The following IL1RAPL1 variants were observed in gnomAD, a reference collection of about 807,000 sequenced individuals.
IL1RAPL1 encodes the protein interleukin 1 receptor accessory protein like 1.
A neutral mutation model predicts 48.4 loss-of-function variants in IL1RAPL1; 3 were observed. That is an observed-to-expected ratio of 0.06 (90% CI 0.03 to 0.16). The LOEUF (loss-of-function observed/expected upper bound fraction) is 0.16, where lower values mean the gene tolerates loss of function less well. IL1RAPL1 is among the 10% of genes least tolerant of loss of function. The probability of loss-of-function intolerance (pLI) is 1.00; values close to 1 mark genes in which losing one functional copy is unlikely to be tolerated. For synonymous variants in IL1RAPL1, 185 were observed against 187.7 expected, an observed-to-expected ratio of 0.99 and a Z score of 0.12; for missense variants, 349 against 530.6, an observed-to-expected ratio of 0.66 and a Z score of 3.36.
At chrX:29,212,320 T>A (rs1311520016) in intron 2 of IL1RAPL1, among the ~76,000 whole-genome samples, 2 of 110,831 alleles carry the variant, frequency 1.8e-5, no homozygotes, top group African/African-American at 3.3e-5. Flanking sequence ...CCCCCAATTT[T>A]TTTTTCAAAA....
chrX:29,362,037 G>A (rs766109354), intron 3 of IL1RAPL1, among the ~76,000 whole-genome samples: 73 of 112,123 alleles, frequency 6.5e-4, no homozygotes, highest in African/African-American at 2.2e-3. Flanking sequence ...ACTACATCTG[G>A]AGGTCTGTTG....
chrX:29,746,735 G>A (rs913055553), intron 6 of IL1RAPL1, among the ~76,000 whole-genome samples: 1 of 111,641 alleles, frequency 9.0e-6, no homozygotes, highest in Non-Finnish European at 1.9e-5. Context: ...AGCCTCCCAA[G>A]TAGCAGGGAT....
At chrX:29,490,852 GTATATATATATAT>G (rs1935151750) in intron 5 of IL1RAPL1, among the ~76,000 whole-genome samples, 1 of 93,671 alleles carries the variant, frequency 1.1e-5, no homozygotes, top group African/African-American at 5.0e-5. Context: ...GTGTGTGTGT[GTATATATATATAT>G]TCTGAGTGTG....
intron 6 of IL1RAPL1, among the ~76,000 whole-genome samples, chrX:29,841,658 C>G (rs779340093): frequency 9.0e-6 from 1 of 111,545 alleles, no homozygotes; most frequent in Admixed American, 9.6e-5. Flanking sequence ...TACATAGCAA[C>G]TGTAATACGG....
chrX:29,543,736 C>T (rs1921519125), intron 5 of IL1RAPL1, among the ~76,000 whole-genome samples: 1 of 110,931 alleles, frequency 9.0e-6, no homozygotes, highest in African/African-American at 3.3e-5. Flanking sequence ...GATTCTGCAG[C>T]CCTTCCACAT....
intron 2 of IL1RAPL1, among the ~76,000 whole-genome samples, chrX:29,026,413 T>C (rs6630802): frequency 0.22 from 24,131 of 109,842 alleles, 2,185 homozygotes; most frequent in South Asian, 0.43. Flanking sequence ...CAGGGCCAGT[T>C]GGGTGGTGGG....
chrX:29,295,021 A>G (rs1932429083), intron 3 of IL1RAPL1, among the ~76,000 whole-genome samples: 1 of 111,620 alleles, frequency 9.0e-6, no homozygotes, highest in South Asian at 3.8e-4. Flanking sequence ...TGGAAAACAG[A>G]CAAGGAGTGT....
At chrX:29,134,311 C>A (rs901897317) in intron 2 of IL1RAPL1, among the ~76,000 whole-genome samples, 1 of 111,681 alleles carries the variant, frequency 9.0e-6, no homozygotes, top group Non-Finnish European at 1.9e-5. Context: ...TTGTTTCACA[C>A]CAGCAATGAA....
intron 2 of IL1RAPL1, among the ~76,000 whole-genome samples, chrX:28,952,287 CAA>C (rs776348800): frequency 0.012 from 1,369 of 110,486 alleles, 10 homozygotes; most frequent in Non-Finnish European, 0.018. Flanking sequence ...TATTTAAAAA[CAA>C]AGAATTTAAG....
chrX:29,109,591 GT>G (rs1344680020), intron 2 of IL1RAPL1, among the ~76,000 whole-genome samples: 4 of 111,151 alleles, frequency 3.6e-5, no homozygotes, highest in African/African-American at 1.3e-4. Context: ...ATTCTAGCCT[GT>G]GGGTAGAGGA....
At chrX:29,081,614 A>G (rs1927846092) in intron 2 of IL1RAPL1, among the ~76,000 whole-genome samples, 1 of 112,091 alleles carries the variant, frequency 8.9e-6, no homozygotes, top group African/African-American at 3.2e-5. Context: ...GAAACATATT[A>G]GGTTTTTCTG....
chrX:28,834,622 CAAGT>C (rs1266750717), intron 2 of IL1RAPL1, among the ~76,000 whole-genome samples: 2 of 111,242 alleles, frequency 1.8e-5, no homozygotes, highest in Non-Finnish European at 3.8e-5. Flanking sequence ...ATTATAATGA[CAAGT>C]AACATTTGTT....
intron 6 of IL1RAPL1, among the ~76,000 whole-genome samples, chrX:29,697,131 G>A (rs1271379276): frequency 3.6e-5 from 4 of 111,268 alleles, no homozygotes; most frequent in Non-Finnish European, 7.5e-5. Flanking sequence ...CTGCACTGCC[G>A]CAAGTGAGGG....
intron 3 of IL1RAPL1, among the ~76,000 whole-genome samples, chrX:29,338,922 G>A (rs1933034064): frequency 9.1e-6 from 1 of 110,483 alleles, no homozygotes; most frequent in African/African-American, 3.3e-5. Flanking sequence ...ACACGCCCAC[G>A]CTGGAATCAA....
At chrX:29,272,025 T>G (rs1259461281) in intron 2 of IL1RAPL1, among the ~76,000 whole-genome samples, 1 of 111,922 alleles carries the variant, frequency 8.9e-6, no homozygotes, top group Non-Finnish European at 1.9e-5. Flanking sequence ...CTTCCAGAGT[T>G]TTTATACTTT....
rs59465141 is a variant in IL1RAPL1 at position 29,449,780 on chromosome X, C to CAGAGAG, written c.703+50486_703+50491dup. Among the ~76,000 whole-genome samples the CAGAGAG allele has an allele frequency of 3.1e-3, 180 of 58,231 alleles. 3 individuals are homozygous for CAGAGAG. The highest frequency in any genetic ancestry group is 0.011 in the African/African-American group (153 of 13,415). 50.6% of individuals were successfully genotyped at this position (58,231 alleles called of 115,157 possible). A position where few individuals can be genotyped will look rare whatever the true frequency, so the allele number is the denominator to read the frequency against. The stretch of plus-strand genomic sequence containing the variant: ...ACACACACACACACACACACACACA[C>CAGAGAG]AGAGAGAGAGAGAGAGAGAATATAA... On this transcript the variant is annotated intron_variant, in intron 5 of 10. Transcript: ENST00000378993.
At chrX:29,253,854 A>C in intron 2 of IL1RAPL1, among the ~76,000 whole-genome samples, 1 of 111,496 alleles carries the variant, frequency 9.0e-6, no homozygotes, top group Non-Finnish European at 1.9e-5. Context: ...TAGATGGTGT[A>C]AATGCCTTAG....
intron 2 of IL1RAPL1, among the ~76,000 whole-genome samples, chrX:29,005,211 T>C: frequency 8.9e-6 from 1 of 112,143 alleles, no homozygotes; most frequent in East Asian, 2.8e-4. Flanking sequence ...CATGATCTAC[T>C]AATTCATTAT....
chrX:28,831,309 T>A (rs1921049706), intron 2 of IL1RAPL1, among the ~76,000 whole-genome samples: 1 of 104,181 alleles, frequency 9.6e-6, no homozygotes, highest in African/African-American at 3.5e-5. Context: ...TTTTTGTCTA[T>A]CTTCTTGTTT....
Sources: allele counts gnomAD v4.1 joint callset (sites outside exome capture counted in the v4.1 genomes callset), GRCh38; gene constraint gnomAD v4.1.1; transcripts MANE v1.5; gene names NCBI Gene and HGNC (gene_info 2026-07-23, HGNC 2026-07-21).